Variants in ARK2C observed in about 807,000 individuals in gnomAD.
ARK2C encodes arkadia (RNF111) C-terminal like ring finger ubiquitin ligase 2C.
the ARK2C span, chr18:46,447,427 T>C: frequency 1.1e-6 from 1 of 884,230 alleles, no homozygotes; most frequent in East Asian, 2.4e-5. Context: ...GAGGAAAGGC[T>C]GGGAGATGTA....
chr18:46,349,251 C>T, the ARK2C span, among the ~76,000 whole-genome samples: 2 of 152,114 alleles, frequency 1.3e-5, no homozygotes, highest in East Asian at 1.9e-4. Flanking sequence ...TCCCGGTGTA[C>T]TGGAGGCTGG....
chr18:46,456,109 C>T, the ARK2C span: 1 of 1,347,644 alleles, frequency 7.4e-7, no homozygotes, highest in South Asian at 1.2e-5. Flanking sequence ...GATTCCCTCT[C>T]CCCTCTCTTA....
At chr18:46,374,141 T>A in the ARK2C span, among the ~76,000 whole-genome samples, 5,661 of 152,282 alleles carry the variant, frequency 0.037, 361 homozygotes, top group African/African-American at 0.13. Context: ...ACGAGAAGAC[T>A]GGGGCCCAGG....
At chr18:46,419,181 C>T in the ARK2C span, among the ~76,000 whole-genome samples, 196 of 152,266 alleles carry the variant, frequency 1.3e-3, no homozygotes, top group Middle Eastern at 6.8e-3. Flanking sequence ...CTCTCCCCTG[C>T]CTGGTATTTT....
At chr18:46,418,824 G>A in the ARK2C span, among the ~76,000 whole-genome samples, 3 of 152,228 alleles carry the variant, frequency 2.0e-5, no homozygotes, top group Non-Finnish European at 2.9e-5. Flanking sequence ...GAGAAAGTTA[G>A]TTTTTCTGTC....
chr18:46,354,868 A>G, the ARK2C span, among the ~76,000 whole-genome samples: 1 of 152,192 alleles, frequency 6.6e-6, no homozygotes, highest in Admixed American at 6.5e-5. Flanking sequence ...GACTCTTTAA[A>G]GACAAACATC....
chr18:46,373,382 A>G, the ARK2C span, among the ~76,000 whole-genome samples: 1 of 152,224 alleles, frequency 6.6e-6, no homozygotes, highest in African/African-American at 2.4e-5. Context: ...TGCCAGGTAC[A>G]GGAGGGACTG....
chr18:46,453,191 C>A, the ARK2C span, among the ~76,000 whole-genome samples: 3 of 152,292 alleles, frequency 2.0e-5, no homozygotes, highest in Middle Eastern at 3.4e-3. Flanking sequence ...ATGTATCAAA[C>A]CTTGGCTAGT....
At chr18:46,450,621 C>A in the ARK2C span, 1 of 1,125,982 alleles carries the variant, frequency 8.9e-7, no homozygotes, top group Non-Finnish European at 1.3e-6. Flanking sequence ...CTGCTCATGT[C>A]TTCCAGCTCC....
At chr18:46,423,609 G>T in the ARK2C span, among the ~76,000 whole-genome samples, 1 of 152,176 alleles carries the variant, frequency 6.6e-6, no homozygotes, top group Non-Finnish European at 1.5e-5. Flanking sequence ...GTGCTGGAAG[G>T]CCGTGACACT....
chr18:46,462,788 C>G, the ARK2C span: 1 of 152,448 alleles, frequency 6.6e-6, no homozygotes, highest in Admixed American at 6.5e-5. Context: ...GCCCCTCCCC[C>G]CACTCCACCC....
the ARK2C span, among the ~76,000 whole-genome samples, chr18:46,363,945 C>CTTT: frequency 3.3e-4 from 41 of 125,584 alleles, no homozygotes; most frequent in African/African-American, 9.6e-4. Flanking sequence ...TTTTTCTTTT[C>CTTT]TTTTTTTTTT....
the ARK2C span, among the ~76,000 whole-genome samples, chr18:46,343,638 G>A: frequency 6.6e-6 from 1 of 152,214 alleles, no homozygotes; most frequent in Non-Finnish European, 1.5e-5. Context: ...CTGCCTATCT[G>A]CCAAGGGAGA....
chr18:46,348,025 T>C, the ARK2C span, among the ~76,000 whole-genome samples: 1 of 152,124 alleles, frequency 6.6e-6, no homozygotes, highest in African/African-American at 2.4e-5. Flanking sequence ...CCTAAGCACT[T>C]TGCCTGCCTT....
the ARK2C span, among the ~76,000 whole-genome samples, chr18:46,353,499 G>A: frequency 7.9e-5 from 12 of 152,266 alleles, no homozygotes; most frequent in East Asian, 7.7e-4. Flanking sequence ...CTGGCAGGTC[G>A]TAGGCACTCA....
At chr18:46,369,948 C>T in the ARK2C span, among the ~76,000 whole-genome samples, 19 of 151,382 alleles carry the variant, frequency 1.3e-4, no homozygotes, top group African/African-American at 4.2e-4. Context: ...CACACACACA[C>T]GCACACACGC....
the ARK2C span, chr18:46,460,243 C>G: frequency 7.2e-5 from 11 of 152,572 alleles, no homozygotes; most frequent in East Asian, 5.8e-4. Context: ...CCCCTAAGCC[C>G]CCCGCCTGTA....
At chr18:46,383,978 C>T in the ARK2C span, among the ~76,000 whole-genome samples, 2 of 152,248 alleles carry the variant, frequency 1.3e-5, no homozygotes, top group Non-Finnish European at 2.9e-5. Context: ...TCAGACAATG[C>T]TGTAACATGA....
chr18:46,441,930 C>T, the ARK2C span, among the ~76,000 whole-genome samples: 1 of 146,700 alleles, frequency 6.8e-6, no homozygotes, highest in African/African-American at 2.5e-5. Context: ...TTTGGGAGGC[C>T]GAGACGGGCG....
Sources: gnomAD v4.1 joint callset for allele counts (sites outside exome capture counted in the v4.1 genomes callset) on GRCh38, gnomAD v4.1.1 for gene constraint, MANE v1.5 for transcripts, NCBI Gene and HGNC (gene_info 2026-07-23, HGNC 2026-07-21) for gene names.